The following SEM1 variants were observed in gnomAD, a reference collection of about 807,000 sequenced individuals.
The protein encoded by SEM1 is SEM1 26S proteasome subunit.
In SEM1, 3 loss-of-function variants were observed where a neutral mutation model predicts 12.7. The observed-to-expected ratio is 0.24, with a 90% CI of 0.11 to 0.61. SEM1 has a LOEUF of 0.61. Ranked by LOEUF, SEM1 falls within the 20% of genes least tolerant of loss-of-function variation. SEM1 has a pLI of 0.88. For synonymous variants in SEM1, 30 were observed against 27.8 expected (o/e 1.08, Z -0.25); for missense variants, 59 against 81.3 (o/e 0.73, Z 1.06).
Position 96,683,722 on chromosome 7 carries a change from C to T in SEM1, c.171-9863G>A, listed in dbSNP as rs115001222. 5.2e-3 allele frequency among the ~76,000 whole-genome samples: 785 copies of T among 152,202 alleles called. 8 individuals carry two copies. The highest frequency in any genetic ancestry group is 0.017 in the African/African-American group (720 of 41,524). ...AGCCATAAAAAGGATGAGTTTATGTCCTCTGCAGGGACATGGAGGAAGCTG... is the reference window on the plus strand; with the variant it reads ...AGCCATAAAAAGGATGAGTTTATGTTCTCTGCAGGGACATGGAGGAAGCTG... On this transcript the variant is annotated intron_variant, in intron 2 of 2. Transcript: ENST00000413065.
At chr7:96,486,930 C>T (rs896641513) in intron 1 of SEM1, among the ~76,000 whole-genome samples, 4 of 152,158 alleles carry the variant, frequency 2.6e-5, no homozygotes, top group African/African-American at 4.8e-5. Context: ...AAGCACTGTG[C>T]GCATGCCTGT....
chr7:96,652,663 G>A (rs1158493383), intron 2 of SEM1, among the ~76,000 whole-genome samples: 1 of 151,890 alleles, frequency 6.6e-6, no homozygotes, highest in Non-Finnish European at 1.5e-5. Flanking sequence ...GCTACTTTAG[G>A]AAAACTTTCT....
chr7:96,509,783 A>G (rs1288775721), intron 2 of SEM1, among the ~76,000 whole-genome samples: 1 of 152,160 alleles, frequency 6.6e-6, no homozygotes, highest in Admixed American at 6.5e-5. Context: ...TAGGTGAAAT[A>G]AGTCATACGC....
intron 2 of SEM1, among the ~76,000 whole-genome samples, chr7:96,544,224 T>A (rs1467249430): frequency 2.6e-5 from 4 of 152,118 alleles, no homozygotes; most frequent in Admixed American, 6.5e-5. Flanking sequence ...ATTTTGCATA[T>A]GTTTAACACA....
At chr7:96,528,044 C>G (rs1439504296) in intron 2 of SEM1, among the ~76,000 whole-genome samples, 1 of 152,088 alleles carries the variant, frequency 6.6e-6, no homozygotes, top group Admixed American at 6.6e-5. Flanking sequence ...CTCGTATTCC[C>G]AGGTTCAAAT....
chr7:96,692,568 CAG>C (rs1266911344), intron 2 of SEM1, among the ~76,000 whole-genome samples: 1 of 151,882 alleles, frequency 6.6e-6, no homozygotes, highest in Non-Finnish European at 1.5e-5. Context: ...AAAACAAAGA[CAG>C]ATATAAAAAG....
intron 2 of SEM1, among the ~76,000 whole-genome samples, chr7:96,526,050 A>G (rs1804454967): frequency 6.6e-6 from 1 of 152,094 alleles, no homozygotes; most frequent in African/African-American, 2.4e-5. Context: ...AAATCTTTTT[A>G]TCACCCCCAA....
intron 2 of SEM1, among the ~76,000 whole-genome samples, chr7:96,581,624 C>G (rs970779914): frequency 2.0e-5 from 3 of 152,016 alleles, no homozygotes; most frequent in Non-Finnish European, 4.4e-5. Context: ...TCTTCCATTT[C>G]TTTCTATCCT....
At chr7:96,642,839 C>T (rs1433382022) in intron 2 of SEM1, among the ~76,000 whole-genome samples, 2 of 151,938 alleles carry the variant, frequency 1.3e-5, no homozygotes, top group African/African-American at 4.8e-5. Context: ...TAAGCAGTCT[C>T]CTTTCTTCCA....
At chr7:96,576,933 C>T (rs970263752) in intron 2 of SEM1, among the ~76,000 whole-genome samples, 1 of 152,216 alleles carries the variant, frequency 6.6e-6, no homozygotes. Flanking sequence ...GCCTGACCAA[C>T]ATGGTGAAAC....
chr7:96,573,891 C>A (rs1271256653), intron 2 of SEM1, among the ~76,000 whole-genome samples: 2 of 151,700 alleles, frequency 1.3e-5, no homozygotes, highest in African/African-American at 4.8e-5. Context: ...TCAAGTACAC[C>A]AATCAAACGT....
intron 1 of SEM1, among the ~76,000 whole-genome samples, chr7:96,491,830 A>G (rs1803020923): frequency 6.6e-6 from 1 of 152,198 alleles, no homozygotes; most frequent in Non-Finnish European, 1.5e-5. Flanking sequence ...TTTTAACTGT[A>G]AAGAAAACTA....
chr7:96,582,566 C>T (rs1334736075), intron 2 of SEM1, among the ~76,000 whole-genome samples: 2 of 152,070 alleles, frequency 1.3e-5, no homozygotes, highest in Non-Finnish European at 2.9e-5. Context: ...CCTCCTTGTA[C>T]CTCTGGTAGA....
chr7:96,563,542 T>G (rs9918701), intron 2 of SEM1, among the ~76,000 whole-genome samples: 1 of 151,708 alleles, frequency 6.6e-6, no homozygotes, highest in African/African-American at 2.4e-5. Flanking sequence ...TACAAAAAAA[T>G]TTGGAATTTA....
At chr7:96,643,876 G>A (rs947125255) in intron 2 of SEM1, among the ~76,000 whole-genome samples, 1 of 151,998 alleles carries the variant, frequency 6.6e-6, no homozygotes, top group African/African-American at 2.4e-5. Context: ...TAATAAAGAG[G>A]TTGTGTTTGA....
chr7:96,568,601 T>C (rs1805924055), intron 2 of SEM1, among the ~76,000 whole-genome samples: 2 of 151,806 alleles, frequency 1.3e-5, no homozygotes, highest in African/African-American at 4.8e-5. Context: ...ATTTGATTTT[T>C]CCTCTGATCA....
rs6961100 is a variant in SEM1 at position 96,561,302 on chromosome 7, G to T, written c.171-54604C>A. Among the ~76,000 whole-genome samples the T allele has an allele frequency of 3.3e-5, 5 of 152,186 alleles. 1 individual carries two copies. The highest frequency in any genetic ancestry group is 1.2e-4 in the African/African-American group (5 of 41,530). ...TTGAAGCAATGGAAAAGGGGGTGAG[G>T]GTTGAAATGCCACCTACTTCTCCAC... On this transcript the variant is annotated intron_variant and NMD_transcript_variant, in intron 2 of 3. Coordinates refer to the SEM1 transcript ENST00000466986.
At chr7:96,705,997 C>A (rs1238548255) in intron 1 of SEM1, among the ~76,000 whole-genome samples, 1 of 152,002 alleles carries the variant, frequency 6.6e-6, no homozygotes, top group African/African-American at 2.4e-5. Context: ...TCAATCACAC[C>A]CAGGACCTTG....
intron 2 of SEM1, among the ~76,000 whole-genome samples, chr7:96,657,013 T>C (rs559399347): frequency 6.6e-6 from 1 of 152,260 alleles, no homozygotes; most frequent in South Asian, 2.1e-4. Context: ...CTAAGAAATA[T>C]TGTCGTAAGC....
Sources: allele counts gnomAD v4.1 joint callset (sites outside exome capture counted in the v4.1 genomes callset), GRCh38; gene constraint gnomAD v4.1.1; transcripts MANE v1.5; gene names NCBI Gene and HGNC (gene_info 2026-07-23, HGNC 2026-07-21).